Variants in STAU1 observed in about 807,000 individuals in gnomAD.
STAU1 encodes the protein staufen double-stranded RNA binding protein 1.
A neutral mutation model predicts 62.9 loss-of-function variants in STAU1; 13 were observed. That is an observed-to-expected ratio of 0.21 (90% confidence interval 0.13 to 0.33). The LOEUF (loss-of-function observed/expected upper bound fraction) is 0.33. STAU1 is among the 10% of genes least tolerant of loss of function. The probability of loss-of-function intolerance (pLI) is 1.00; values close to 1 mark genes in which losing one functional copy is unlikely to be tolerated. For missense variants in STAU1, 571 were observed against 712.1 expected (o/e 0.80, Z 2.25); for synonymous variants, 269 against 265.1 (o/e 1.01, Z -0.14).
chr20:49,165,559 C>T (rs2093513218), intron 3 of STAU1, among the ~76,000 whole-genome samples: 1 of 151,308 alleles, frequency 6.6e-6, no homozygotes, highest in Admixed American at 6.6e-5. Context: ...TGGTCTCAAA[C>T]TCCTGACCTC....
chr20:49,134,745 G>A, intron 6 of STAU1: 2 of 1,139,280 alleles, frequency 1.8e-6, no homozygotes, highest in Non-Finnish European at 2.7e-6. Flanking sequence ...AATTCCAAAA[G>A]TCAAGGTGAG....
At chr20:49,219,200 A>G in the STAU1 span, 2 of 697,800 alleles carry the variant, frequency 2.9e-6, no homozygotes, top group Non-Finnish European at 4.8e-6. Flanking sequence ...AAATACTGCC[A>G]CCGTTTTGAG....
At chr20:49,134,303 T>C (rs532734904) in intron 6 of STAU1, among the ~76,000 whole-genome samples, 16 of 151,992 alleles carry the variant, frequency 1.1e-4, no homozygotes, top group African/African-American at 3.6e-4. Context: ...TGGTGGCGTA[T>C]GCCTGTAATC....
intron 1 of STAU1, among the ~76,000 whole-genome samples, chr20:49,174,949 A>G (rs1433533883): frequency 2.0e-5 from 3 of 148,536 alleles, no homozygotes; most frequent in South Asian, 2.1e-4. Context: ...AAAAAAAAAA[A>G]AGAGATTGAG....
intron 3 of STAU1, among the ~76,000 whole-genome samples, chr20:49,161,213 G>T (rs1600795317): frequency 6.6e-6 from 1 of 151,822 alleles, no homozygotes; most frequent in East Asian, 1.9e-4. Flanking sequence ...TGAGGTCCCA[G>T]CTACTCAGGA....
At chr20:49,196,459 AAG>A in the STAU1 span, among the ~76,000 whole-genome samples, 24 of 144,744 alleles carry the variant, frequency 1.7e-4, no homozygotes, top group African/African-American at 5.5e-4. Flanking sequence ...AAAAAAAAAA[AAG>A]AAGAAGAAGA....
intron 5 of STAU1, among the ~76,000 whole-genome samples, chr20:49,148,513 T>C (rs1207669415): frequency 2.0e-5 from 3 of 152,214 alleles, no homozygotes; most frequent in African/African-American, 7.2e-5. Flanking sequence ...CATCTAGTAC[T>C]TCAAATAAGT....
At chr20:49,129,280 ATTTTTTTTTTTT>A (rs71184264) in intron 6 of STAU1, among the ~76,000 whole-genome samples, 2 of 87,928 alleles carry the variant, frequency 2.3e-5, no homozygotes, top group Admixed American at 1.7e-4. Flanking sequence ...TTAAAAAAAA[ATTTTTTTTTTTT>A]TTTTTTTTTT....
intron 1 of STAU1, among the ~76,000 whole-genome samples, chr20:49,178,677 G>A (rs1414606319): frequency 6.6e-6 from 1 of 152,006 alleles, no homozygotes; most frequent in Non-Finnish European, 1.5e-5. Flanking sequence ...CTTGAACCCG[G>A]GAGGCAGAGG....
chr20:49,168,119 C>T (rs1471808733), intron 2 of STAU1, among the ~76,000 whole-genome samples: 2 of 150,018 alleles, frequency 1.3e-5, no homozygotes, highest in East Asian at 1.9e-4. Flanking sequence ...AGAGCTTTGT[C>T]GCCCAGGCTG....
Position 49,152,413 on chromosome 20 carries a change from G to A in STAU1, c.345-666C>T, listed in dbSNP as rs543385977. Among the ~76,000 whole-genome samples, 188 of 138,458 alleles carry A rather than the reference G, an allele frequency of 1.4e-3. 2 individuals carry two copies. The highest frequency in any genetic ancestry group is 4.9e-3 in the African/African-American group (178 of 36,196). The allele number at this position is 138,458 out of a possible 152,430, so 90.8% of individuals were successfully genotyped here. On this transcript the variant is annotated intron_variant, in intron 4 of 13. Transcript: ENST00000371856. Reference sequence around the variant, plus strand: ...GGCTGGAGTGCAGTGGTGCGATCTCGGCTCACTGCAACCTCCGCTTCCTGG... The same window carrying A: ...GGCTGGAGTGCAGTGGTGCGATCTCAGCTCACTGCAACCTCCGCTTCCTGG...
chr20:49,199,168 ACC>A, the STAU1 span, among the ~76,000 whole-genome samples: 1 of 151,826 alleles, frequency 6.6e-6, no homozygotes, highest in Non-Finnish European at 1.5e-5. Flanking sequence ...AACGGACAAC[ACC>A]AAATAGGAGA....
intron 2 of STAU1, among the ~76,000 whole-genome samples, chr20:49,173,343 G>A (rs2093621262): frequency 6.6e-6 from 1 of 152,078 alleles, no homozygotes; most frequent in South Asian, 2.1e-4. Flanking sequence ...TGTAATCCCA[G>A]CTACTTGGGA....
chr20:49,138,432 G>A (rs761062882), intron 5 of STAU1, among the ~76,000 whole-genome samples: 14 of 152,014 alleles, frequency 9.2e-5, no homozygotes, highest in Non-Finnish European at 1.9e-4. Flanking sequence ...TTTCCAATCT[G>A]GTTTCAGTGT....
chr20:49,167,080 A>G (rs1391069835), intron 2 of STAU1, among the ~76,000 whole-genome samples: 1 of 152,234 alleles, frequency 6.6e-6, no homozygotes. Context: ...TGTTTACTTC[A>G]TATTGTAAAT....
chr20:49,204,619 TATATGTGTATATATATATA>T, the STAU1 span, among the ~76,000 whole-genome samples: 7 of 48,022 alleles, frequency 1.5e-4, no homozygotes, highest in East Asian at 9.0e-4. Flanking sequence ...TATATATATA[TATATGTGTATATATATATA>T]TATATATATT....
chr20:49,127,097 G>A (rs1809641135), intron 6 of STAU1, among the ~76,000 whole-genome samples: 1 of 152,210 alleles, frequency 6.6e-6, no homozygotes, highest in Admixed American at 6.5e-5. Flanking sequence ...GCTCACGCCT[G>A]TAATCCCAGC....
chr20:49,209,445 A>C, the STAU1 span, among the ~76,000 whole-genome samples: 1 of 151,178 alleles, frequency 6.6e-6, no homozygotes, highest in East Asian at 1.9e-4. Flanking sequence ...AGTTAAAAAA[A>C]AAAAAAAAAA....
the STAU1 span, among the ~76,000 whole-genome samples, chr20:49,197,808 C>T: frequency 6.6e-6 from 1 of 151,732 alleles, no homozygotes; most frequent in African/African-American, 2.4e-5. Context: ...TAGGTTGAAG[C>T]AAACTTCCTG....
Sources: gnomAD v4.1 joint callset for allele counts (sites outside exome capture counted in the v4.1 genomes callset) on GRCh38, gnomAD v4.1.1 for gene constraint, MANE v1.5 for transcripts, NCBI Gene and HGNC (gene_info 2026-07-23, HGNC 2026-07-21) for gene names.